The following PVT1 variants were observed in gnomAD, a reference collection of about 807,000 sequenced individuals.
PVT1 encodes Pvt1 oncogene, also known as CXCR4/PVT1 fusion.
chr8:127,857,928 T>C (rs1245844784), intron 2 of PVT1, among the ~76,000 whole-genome samples: 1 of 152,164 alleles, frequency 6.6e-6, no homozygotes, highest in Admixed American at 6.5e-5. Context: ...TGGTGGAGTG[T>C]GATGAAGTTA....
intron 2 of PVT1, among the ~76,000 whole-genome samples, chr8:127,860,612 A>C (rs758661807): frequency 1.3e-5 from 2 of 151,954 alleles, no homozygotes; most frequent in Non-Finnish European, 2.9e-5. Context: ...AAAATACAAA[A>C]AAATTAGCTG....
rs532894512 is a variant in PVT1 at position 127,874,364 on chromosome 8, CAGTT to C, written n.373-16222_373-16219del. ...GTAGAGGTTCACCAAGGGTGGGTAACAGTTAGAGGAACAGCAGGTACAGAAGCCC... is the reference window on the plus strand; with the variant it reads ...GTAGAGGTTCACCAAGGGTGGGTAACAGAGGAACAGCAGGTACAGAAGCCC... On this transcript the variant is annotated intron_variant and non_coding_transcript_variant, in intron 2 of 10. Transcript: ENST00000651587. Among the ~76,000 whole-genome samples the C allele has an allele frequency of 4.6e-4, 70 of 152,244 alleles. 1 individual carries two copies. The South Asian group carries it at 0.014, about 30-fold the overall frequency.
chr8:127,953,437 T>C (rs1047307797), intron 3 of PVT1, among the ~76,000 whole-genome samples: 7 of 152,216 alleles, frequency 4.6e-5, no homozygotes, highest in Non-Finnish European at 8.8e-5. Flanking sequence ...GGAATACCTT[T>C]ATCAGGGGAT....
rs975578350 is a variant in PVT1 at position 127,800,398 on chromosome 8, T to A, written n.372+4327T>A. ...GTCACACAGTAGTGGGGCAGGCTGG[T>A]CCCCAGAGACAGCTGGGGGACAGAT... On this transcript the variant is annotated intron_variant and non_coding_transcript_variant, in intron 2 of 10. Coordinates refer to ENST00000651587, the Ensembl canonical transcript of PVT1. Among the ~76,000 whole-genome samples, 7 of 152,202 alleles carry A rather than the reference T, an allele frequency of 4.6e-5. No individual in the cohort carries two copies. In the East Asian group the frequency reaches 1.2e-3, roughly 25 times the overall value.
intron 4 of PVT1, among the ~76,000 whole-genome samples, chr8:128,016,686 G>C (rs1372799423): frequency 6.6e-6 from 1 of 152,220 alleles, no homozygotes; most frequent in Non-Finnish European, 1.5e-5. Context: ...TGCTGTGAGG[G>C]AGACGAAGAT....
intron 5 of PVT1, among the ~76,000 whole-genome samples, chr8:128,071,049 G>C (rs915596147): frequency 6.6e-6 from 1 of 152,122 alleles, no homozygotes; most frequent in Non-Finnish European, 1.5e-5. Flanking sequence ...CAGAAGCGGC[G>C]AGTCACTCAT....
At chr8:127,959,442 G>A (rs142265634) in intron 3 of PVT1, among the ~76,000 whole-genome samples, 133 of 152,122 alleles carry the variant, frequency 8.7e-4, no homozygotes, top group African/African-American at 3.2e-3. Context: ...AAAATTAGCT[G>A]CACGTGGTGG....
intron 3 of PVT1, among the ~76,000 whole-genome samples, chr8:127,968,718 C>A (rs183074756): frequency 4.6e-5 from 7 of 151,994 alleles, no homozygotes; most frequent in Non-Finnish European, 7.4e-5. Flanking sequence ...TCTTTGAGGG[C>A]GTAATAAAGT....
In PVT1 at chr8:127,929,593, C is replaced by T. The variant is rs574523101; in HGVS notation, n.782+38595C>T. Reference sequence around the variant, plus strand: ...CATCCTGGCTAACACGGTGAAACCCCGTCTCTACTAAAAATACAAAAAAAA... The same window carrying T: ...CATCCTGGCTAACACGGTGAAACCCTGTCTCTACTAAAAATACAAAAAAAA... On this transcript the variant is annotated intron_variant and non_coding_transcript_variant, in intron 3 of 10. Coordinates refer to ENST00000651587, the Ensembl canonical transcript of PVT1. Among the ~76,000 whole-genome samples, 35 of 152,156 alleles carry T rather than the reference C, an allele frequency of 2.3e-4. No individual in the cohort carries two copies. The East Asian group carries it at 4.8e-3, about 21-fold the overall frequency.
At chr8:127,887,134 C>T (rs1815531295) in intron 2 of PVT1, among the ~76,000 whole-genome samples, 1 of 152,188 alleles carries the variant, frequency 6.6e-6, no homozygotes, top group Non-Finnish European at 1.5e-5. Context: ...AGAATTTGAA[C>T]TCCCCTTTTT....
At chr8:127,916,085 G>C (rs1299807886) in intron 3 of PVT1, among the ~76,000 whole-genome samples, 1 of 152,256 alleles carries the variant, frequency 6.6e-6, no homozygotes, top group Admixed American at 6.5e-5. Flanking sequence ...GTGGGTTTGA[G>C]TCACAGTTCC....
chr8:127,829,374 T>C (rs1052185998), intron 2 of PVT1, among the ~76,000 whole-genome samples: 20 of 152,176 alleles, frequency 1.3e-4, no homozygotes, highest in African/African-American at 3.6e-4. Flanking sequence ...ATGACAGCTA[T>C]GGTTTTAAGG....
chr8:127,893,809 G>T lies in PVT1; in HGVS notation n.782+2811G>T, dbSNP rs1379961316. On this transcript the variant is annotated intron_variant and non_coding_transcript_variant, in intron 3 of 10. Coordinates refer to ENST00000651587, the Ensembl canonical transcript of PVT1. ...GCCTGGAGACTTGAGAGTGAAAGGG[G>T]CACTGTATCACTTACTCTGGGATGA... Among the ~76,000 whole-genome samples the T allele has an allele frequency of 2.6e-5, 4 of 152,270 alleles. No homozygotes were observed. The East Asian group carries it at 5.8e-4, about 22-fold the overall frequency.
intron 2 of PVT1, among the ~76,000 whole-genome samples, chr8:127,881,204 C>T (rs896417331): frequency 6.6e-6 from 1 of 152,012 alleles, no homozygotes; most frequent in East Asian, 1.9e-4. Context: ...TTGCATCTCC[C>T]GAGTCTGACT....
At chr8:127,978,581 T>A (rs1006289510) in intron 3 of PVT1, among the ~76,000 whole-genome samples, 1 of 152,040 alleles carries the variant, frequency 6.6e-6, no homozygotes, top group Non-Finnish European at 1.5e-5. Context: ...CCTCCTGGGT[T>A]CCAGTGATTC....
intron 3 of PVT1, among the ~76,000 whole-genome samples, chr8:127,912,676 G>A (rs1004078921): frequency 6.6e-6 from 1 of 151,952 alleles, no homozygotes; most frequent in Non-Finnish European, 1.5e-5. Context: ...CCAAATACTG[G>A]GTCATTTTAT....
intron 4 of PVT1, among the ~76,000 whole-genome samples, chr8:128,010,005 A>C (rs1455449456): frequency 6.6e-6 from 1 of 152,202 alleles, no homozygotes; most frequent in Non-Finnish European, 1.5e-5. Context: ...GCTAAGAGTT[A>C]GAATAGATTG....
In PVT1 at chr8:127,858,371, C is replaced by T. The variant is rs1313023983; in HGVS notation, n.373-32218C>T. Among the ~76,000 whole-genome samples, 4 of 151,910 alleles carry T rather than the reference C, an allele frequency of 2.6e-5. No individual in the cohort carries two copies. In the East Asian group the frequency reaches 7.7e-4, roughly 29 times the overall value. The stretch of plus-strand genomic sequence containing the variant: ...GCAGTGAGCGGATATTGTGCCATTG[C>T]ACTCCAGCCTGGGTGACAGAGTGAG... On this transcript the variant is annotated intron_variant and non_coding_transcript_variant, in intron 2 of 10. Coordinates refer to ENST00000651587, the Ensembl canonical transcript of PVT1.
At chr8:127,815,691 T>G (rs1469646697) in intron 2 of PVT1, among the ~76,000 whole-genome samples, 1 of 152,174 alleles carries the variant, frequency 6.6e-6, no homozygotes, top group Non-Finnish European at 1.5e-5. Flanking sequence ...TGAATCACCT[T>G]CCAATAATCT....
Sources: gnomAD v4.1 joint callset for allele counts (sites outside exome capture counted in the v4.1 genomes callset) on GRCh38, gnomAD v4.1.1 for gene constraint, MANE v1.5 for transcripts, NCBI Gene and HGNC (gene_info 2026-07-23, HGNC 2026-07-21) for gene names.